PRKAR1A: variants seen among roughly 807,000 people sequenced by gnomAD.
PRKAR1A encodes the protein cAMP-dependent protein kinase type I-alpha regulatory subunit.
Under a neutral mutation model 52.0 loss-of-function variants are expected in PRKAR1A, and 3 were observed. That is an observed-to-expected ratio of 0.06 (90% CI 0.03 to 0.15). The LOEUF (loss-of-function observed/expected upper bound fraction) is 0.15. Ranked by LOEUF, PRKAR1A falls within the 10% of genes least tolerant of loss-of-function variation. The pLI is 1.00. For synonymous variants in PRKAR1A, 188 were observed against 168.4 expected, an observed-to-expected ratio of 1.12 and a Z score of -0.90; for missense variants, 240 against 477.4, an observed-to-expected ratio of 0.50 and a Z score of 4.63.
downstream of PRKAR1A, chr17:68,535,909 C>CT (rs1438183404): frequency 1.8e-5 from 8 of 453,984 alleles, no homozygotes; most frequent in East Asian, 5.6e-4. Flanking sequence ...GTCTAAACCA[C>CT]TAAATTGTGT....
At chr17:68,434,531 A>G in the PRKAR1A span, 68 of 1,612,798 alleles carry the variant, frequency 4.2e-5, no homozygotes, top group Non-Finnish European at 5.6e-5. Context: ...GGGACTTTAA[A>G]ATGGGTTTGA....
the PRKAR1A span, chr17:68,450,614 T>G: frequency 7.3e-7 from 1 of 1,367,704 alleles, no homozygotes; most frequent in Non-Finnish European, 1.0e-6. Context: ...AGTGTTAACA[T>G]TCTCATTAGA....
At chr17:68,487,201 T>G in the PRKAR1A span, among the ~76,000 whole-genome samples, 4 of 152,218 alleles carry the variant, frequency 2.6e-5, no homozygotes, top group African/African-American at 9.6e-5. Context: ...GACATTCATG[T>G]ACACACATTG....
the PRKAR1A span, among the ~76,000 whole-genome samples, chr17:68,455,358 T>C: frequency 4.9e-5 from 5 of 101,164 alleles, no homozygotes; most frequent in Non-Finnish European, 1.0e-4. Context: ...AGCAAGACTG[T>C]CTCAAAAAAA....
the PRKAR1A span, among the ~76,000 whole-genome samples, chr17:68,476,158 T>G: frequency 1.3e-5 from 2 of 152,112 alleles, no homozygotes; most frequent in African/African-American, 2.4e-5. Context: ...ATATTTATAA[T>G]CTACTATAAT....
chr17:68,486,522 T>C, the PRKAR1A span, among the ~76,000 whole-genome samples: 685 of 88,930 alleles, frequency 7.7e-3, no homozygotes, highest in Admixed American at 8.4e-3. Flanking sequence ...TCTTTCTTTC[T>C]TTCTTTCTTT....
chr17:68,529,130 A>G (rs1475580118), intron 9 of PRKAR1A, 139 bp downstream of exon 9: 2 of 1,013,006 alleles, frequency 2.0e-6, no homozygotes, highest in Non-Finnish European at 1.4e-6. Flanking sequence ...ATACCTGACC[A>G]TTTTATTTTA....
the PRKAR1A span, among the ~76,000 whole-genome samples, chr17:68,418,461 T>G: frequency 6.6e-6 from 1 of 152,168 alleles, no homozygotes; most frequent in African/African-American, 2.4e-5. Context: ...ACTATTAATC[T>G]CTACTGATCA....
At chr17:68,541,816 A>G in intron 11 of PRKAR1A, 1 of 742,108 alleles carries the variant, frequency 1.3e-6, no homozygotes, top group East Asian at 2.5e-5. Context: ...TAAATGAACT[A>G]AAGGGGAGAA....
chr17:68,493,434 G>C, the PRKAR1A span, among the ~76,000 whole-genome samples: 2 of 149,214 alleles, frequency 1.3e-5, no homozygotes, highest in Admixed American at 6.7e-5. Flanking sequence ...AAATTAAATA[G>C]GGAGAAGCTC....
the PRKAR1A span, among the ~76,000 whole-genome samples, chr17:68,483,230 C>T: frequency 6.6e-6 from 1 of 152,124 alleles, no homozygotes; most frequent in Non-Finnish European, 1.5e-5. Context: ...CCTGTAATCC[C>T]AGTACTTTGG....
chr17:68,470,666 T>G, the PRKAR1A span, among the ~76,000 whole-genome samples: 1 of 152,182 alleles, frequency 6.6e-6, no homozygotes, highest in East Asian at 1.9e-4. Context: ...GGTTAATAAT[T>G]CGTTGCTTTT....
exon 12 of PRKAR1A, chr17:68,551,268 G>C (rs11657445): frequency 0.15 from 78,241 of 526,370 alleles, 6,465 homozygotes; most frequent in Non-Finnish European, 0.17. Context: ...AATTTTCAAG[G>C]CATGTAGTTG....
chr17:68,541,911 T>C, intron 11 of PRKAR1A: 1 of 1,520,458 alleles, frequency 6.6e-7, no homozygotes, highest in South Asian at 1.3e-5. Flanking sequence ...AAAGCCAAGC[T>C]AGCAACAAGT....
At chr17:68,437,974 G>A in the PRKAR1A span, among the ~76,000 whole-genome samples, 228 of 64,480 alleles carry the variant, frequency 3.5e-3, no homozygotes, top group Middle Eastern at 0.015. Flanking sequence ...AAAAAAAAAA[G>A]TGACTGGCGT....
the PRKAR1A span, chr17:68,427,492 G>A: frequency 1.3e-5 from 4 of 315,598 alleles, no homozygotes; most frequent in East Asian, 7.5e-5. Context: ...GAGTAGCTGC[G>A]ACTACAGGCA....
the PRKAR1A span, among the ~76,000 whole-genome samples, chr17:68,489,231 G>GATATATATATAA: frequency 7.8e-5 from 1 of 12,866 alleles, no homozygotes; most frequent in African/African-American, 3.1e-4. Context: ...TATATATATG[G>GATATATATATAA]AAAGTATATA....
At position 68,540,052 on chromosome 17, in the gene PRKAR1A, C is replaced by T. The variant is rs146515104; in HGVS notation, c.973+10051C>T. On this transcript the variant is annotated intron_variant, in intron 11 of 11. Coordinates refer to the PRKAR1A transcript ENST00000585981. ...CTGAGTTCTCTCCAGGGAACGGAGGCCTGTCATCACTTGAGAGACAGGGGT... is the reference window on the plus strand; with the variant it reads ...CTGAGTTCTCTCCAGGGAACGGAGGTCTGTCATCACTTGAGAGACAGGGGT... The T allele has an allele frequency of 5.7e-5, 66 of 1,152,056 alleles. No individual in the cohort carries two copies. In the African/African-American group the frequency reaches 8.2e-4, roughly 14 times the overall value. 71.4% of individuals were successfully genotyped at this position (1,152,056 alleles called of 1,614,324 possible). A position where few individuals can be genotyped will look rare whatever the true frequency, so the allele number is the denominator to read the frequency against.
At chr17:68,483,955 T>A in the PRKAR1A span, among the ~76,000 whole-genome samples, 1 of 152,234 alleles carries the variant, frequency 6.6e-6, no homozygotes, top group Non-Finnish European at 1.5e-5. Context: ...ATCTATTTGT[T>A]AATATTTATG....
Sources: allele counts gnomAD v4.1 joint callset (sites outside exome capture counted in the v4.1 genomes callset), GRCh38; gene constraint gnomAD v4.1.1; transcripts MANE v1.5; gene names NCBI Gene and HGNC (gene_info 2026-07-23, HGNC 2026-07-21).